The following MYO9A variants were observed in gnomAD, a reference collection of about 807,000 sequenced individuals.
MYO9A encodes myosin IXA.
Under a neutral mutation model 293.3 loss-of-function variants are expected in MYO9A, and 103 were observed. The observed-to-expected ratio is 0.35, with a 90% CI of 0.30 to 0.41. The LOEUF (loss-of-function observed/expected upper bound fraction) is 0.41, where lower values mean the gene tolerates loss of function less well. Ranked by LOEUF, MYO9A falls within the 10% of genes least tolerant of loss-of-function variation. The pLI, the probability that MYO9A is intolerant of heterozygous loss-of-function variation, is 1.00. For synonymous variants in MYO9A, 1,001 were observed against 1,035.7 expected, an observed-to-expected ratio of 0.97 and a Z score of 0.64; for missense variants, 2,685 against 3,033.0, an observed-to-expected ratio of 0.89 and a Z score of 2.69.
At chr15:71,996,042 T>C (rs892975796) in intron 9 of MYO9A, among the ~76,000 whole-genome samples, 1 of 152,182 alleles carries the variant, frequency 6.6e-6, no homozygotes. Flanking sequence ...ATTTTTAATG[T>C]GCAAATGGTT....
chr15:72,046,500 G>A lies in MYO9A; in HGVS notation c.64C>T (p.Pro22Ser). 1 of 1,613,764 alleles carries A rather than the reference G, an allele frequency of 6.2e-7. No individual in the cohort carries two copies. The highest frequency in any genetic ancestry group is 2.2e-5 in the East Asian group (1 of 44,882). Residue 22 changes from proline to serine, a missense_variant, in exon 2 of 42, where the codon CCT (proline) becomes TCT (serine). Physicochemically the swap from Pro to Ser is moderately conservative, Grantham distance 74. Around this residue, in one of 10 missense-constraint regions of MYO9A, gnomAD observed 67 missense variants for 63.2 expected, o/e 1.06. Coordinates refer to ENST00000356056, the MANE Select transcript of MYO9A (RefSeq NM_006901.4). ...EDNEHTLRIY[P>S]GAISEGTIYC... ...ATTGTCCCTTCTGAAATAGCCCCAGGATATATCCGTAATGTATGTTCATTA... is the reference window on the plus strand; with the variant it reads ...ATTGTCCCTTCTGAAATAGCCCCAGAATATATCCGTAATGTATGTTCATTA...
At chr15:71,850,900 T>A (rs2055618983) in intron 37 of MYO9A, among the ~76,000 whole-genome samples, 1 of 150,572 alleles carries the variant, frequency 6.6e-6, no homozygotes, top group Non-Finnish European at 1.5e-5. Context: ...TCCTGACGCC[T>A]CTTTGGTCAA....
intron 13 of MYO9A, among the ~76,000 whole-genome samples, chr15:71,965,706 T>C (rs1352245575): frequency 6.6e-6 from 1 of 152,206 alleles, no homozygotes; most frequent in Non-Finnish European, 1.5e-5. Flanking sequence ...ACCACTTCAC[T>C]TCAGCCTGGC....
At chr15:71,830,372 CT>C in intron 39 of MYO9A, 61 bp from the exon 40 acceptor site, 1 of 1,478,770 alleles carries the variant, frequency 6.8e-7, no homozygotes. Context: ...TTACATTGCT[CT>C]TTTAGGATAA....
In MYO9A at chr15:72,039,580, T is replaced by C. The variant is rs879343788; in HGVS notation, c.840+6144A>G. Among the ~76,000 whole-genome samples, 191 of 151,852 alleles carry C rather than the reference T, an allele frequency of 1.3e-3. 1 individual carries two copies. Among genetic ancestry groups the C allele is most frequent in the Non-Finnish European group, 2.5e-3 (169 of 67,794 alleles). ...GCACAGTGGCTCATGCCTGTAATCC[T>C]AGCACTTTAAGAGGCTGAGGTGGGT... On this transcript the variant is annotated intron_variant, in intron 2 of 41. Coordinates refer to ENST00000356056, the MANE Select transcript of MYO9A (RefSeq NM_006901.4).
chr15:71,951,990 C>A, intron 14 of MYO9A, 94 bp from the exon 15 acceptor site: 1 of 1,351,068 alleles, frequency 7.4e-7, no homozygotes, highest in African/African-American at 1.5e-5. Context: ...GACAATGCTG[C>A]CAACTATTTA....
At chr15:71,940,827 A>G (rs1360516413) in intron 15 of MYO9A, among the ~76,000 whole-genome samples, 1 of 152,126 alleles carries the variant, frequency 6.6e-6, no homozygotes, top group Non-Finnish European at 1.5e-5. Context: ...ACAATCTTCA[A>G]GGAGGATGGC....
chr15:71,953,067 A>G (rs1011130058), intron 14 of MYO9A, among the ~76,000 whole-genome samples: 2 of 152,208 alleles, frequency 1.3e-5, no homozygotes, highest in Admixed American at 6.5e-5. Context: ...AATTTGAAAT[A>G]TTTTTCATAA....
At chr15:71,903,677 T>G (rs1450281130) in intron 21 of MYO9A, among the ~76,000 whole-genome samples, 1 of 152,202 alleles carries the variant, frequency 6.6e-6, no homozygotes, top group Non-Finnish European at 1.5e-5. Context: ...AGGAGTAAAT[T>G]TAGTATTAGC....
intron 9 of MYO9A, among the ~76,000 whole-genome samples, chr15:71,996,808 T>C (rs1293007614): frequency 6.6e-6 from 1 of 152,070 alleles, no homozygotes; most frequent in Non-Finnish European, 1.5e-5. Flanking sequence ...TCCTGCCTTC[T>C]GTGCTTGACC....
chr15:71,843,373 G>A (rs1261014733), intron 39 of MYO9A, among the ~76,000 whole-genome samples: 3 of 152,146 alleles, frequency 2.0e-5, no homozygotes, highest in African/African-American at 7.2e-5. Flanking sequence ...AGGTTGCAGT[G>A]AGCTGAGATC....
chr15:72,046,842 CA>C (rs553558170), intron 1 of MYO9A, among the ~76,000 whole-genome samples: 2 of 151,002 alleles, frequency 1.3e-5, no homozygotes, highest in African/African-American at 2.4e-5. Context: ...AGTAACTTGC[CA>C]AAAAAAACAT....
At chr15:71,915,041 C>T (rs2057967897) in intron 19 of MYO9A, among the ~76,000 whole-genome samples, 1 of 152,080 alleles carries the variant, frequency 6.6e-6, no homozygotes, top group South Asian at 2.1e-4. Context: ...AATTTGGCTT[C>T]CCATGTGGAT....
chr15:71,890,464 T>G (rs770457625), intron 26 of MYO9A: 4 of 152,176 alleles, frequency 2.6e-5, no homozygotes, highest in Non-Finnish European at 5.9e-5. Flanking sequence ...GAAATGATTT[T>G]ACTAACCCGC....
intron 34 of MYO9A, among the ~76,000 whole-genome samples, chr15:71,855,245 C>T (rs1322912537): frequency 3.9e-5 from 6 of 152,194 alleles, no homozygotes; most frequent in Non-Finnish European, 7.4e-5. Flanking sequence ...AAGCGATTCT[C>T]GTGCCTCAGC....
In MYO9A at chr15:71,862,614, G is replaced by A. The variant is rs373719174; in HGVS notation, c.5980-3C>T. The A allele has an allele frequency of 1.1e-4, 170 of 1,593,682 alleles. No homozygotes were observed. The highest frequency in any genetic ancestry group is 1.4e-4 in the Non-Finnish European group (165 of 1,163,224). On this transcript the variant is annotated splice_polypyrimidine_tract_variant and splice_region_variant and intron_variant, in intron 32 of 41. Coordinates refer to ENST00000356056, the MANE Select transcript of MYO9A (RefSeq NM_006901.4). ...ATGTGACCATTGTGTTCTTCCACCT[G>A]AATGAAAAAATTTAGCTACTTATAT...
intron 10 of MYO9A, among the ~76,000 whole-genome samples, chr15:71,992,151 C>T (rs1410059980): frequency 6.6e-6 from 1 of 152,066 alleles, no homozygotes; most frequent in Non-Finnish European, 1.5e-5. Context: ...CAACAAAAGA[C>T]AGCAATCCCT....
chr15:71,938,283 T>C (rs1373825783), intron 16 of MYO9A, among the ~76,000 whole-genome samples: 1 of 152,094 alleles, frequency 6.6e-6, no homozygotes, highest in Non-Finnish European at 1.5e-5. Flanking sequence ...ACATACAGAA[T>C]ACATTCTAGA....
chr15:72,082,873 C>G (rs975528465), intron 1 of MYO9A, among the ~76,000 whole-genome samples: 3 of 149,202 alleles, frequency 2.0e-5, no homozygotes, highest in South Asian at 2.2e-4. Context: ...GTGATAAAAG[C>G]CTACTAGATC....
Sources: gnomAD v4.1 joint callset for allele counts (sites outside exome capture counted in the v4.1 genomes callset) on GRCh38, gnomAD v4.1.1 for gene constraint, gnomAD v4.1.1 regional missense constraint, MANE v1.5 for transcripts, NCBI Gene and HGNC (gene_info 2026-07-23, HGNC 2026-07-21) for gene names.